The following RNF17 variants were observed in gnomAD, a reference collection of about 807,000 sequenced individuals.
RNF17 encodes ring finger protein 17.
A neutral mutation model predicts 200.5 loss-of-function variants in RNF17; 31 were observed. The observed-to-expected ratio is 0.15, with a 90% CI of 0.12 to 0.21. RNF17 has a LOEUF of 0.21. Among genes scored for constraint, RNF17 ranks in the 10% least tolerant of loss-of-function variants. RNF17 has a pLI of 1.00. For synonymous variants in RNF17, 606 were observed against 637.8 expected (o/e 0.95, Z 0.75); for missense variants, 1,628 against 1,905.1 (o/e 0.85, Z 2.71).
At chr13:24,873,361 CTG>C (rs1205393778) in intron 32 of RNF17, among the ~76,000 whole-genome samples, 1 of 152,216 alleles carries the variant, frequency 6.6e-6, no homozygotes, top group African/African-American at 2.4e-5. Flanking sequence ...ATAAGACCAA[CTG>C]TTCAATATTT....
intron 13 of RNF17, 99 bp from the exon 14 acceptor site, chr13:24,802,282 C>T (rs1026014): frequency 0.41 from 429,454 of 1,049,014 alleles, 89,660 homozygotes; most frequent in East Asian, 0.54. Flanking sequence ...TCAGTTTGTT[C>T]GCAGTTGCGT....
intron 35 of RNF17, 143 bp from the exon 36 acceptor site, chr13:24,879,594 G>C (rs1895230444): frequency 9.0e-6 from 2 of 222,546 alleles, no homozygotes; most frequent in Non-Finnish European, 8.8e-6. Flanking sequence ...TAAGCACATA[G>C]AACTACTGAG....
chr13:24,802,263 G>A, intron 13 of RNF17, 118 bp from the exon 14 acceptor site: 1 of 834,028 alleles, frequency 1.2e-6, no homozygotes, highest in Non-Finnish European at 1.8e-6. Context: ...CCTAATGTCT[G>A]CGGTTGGTTC....
chr13:24,782,242 A>C (rs1228728345), intron 6 of RNF17, among the ~76,000 whole-genome samples: 1 of 152,006 alleles, frequency 6.6e-6, no homozygotes, highest in Non-Finnish European at 1.5e-5. Context: ...ATGGTGTGAT[A>C]ATAGCTCACT....
At position 24,764,436 on chromosome 13, in the gene RNF17, C is replaced by T. The variant is rs537805785; in HGVS notation, c.130+103C>T. ...TGAGGCTTGGTCAGCTGCATCCAAT[C>T]CTGGTGTCACCAGAAACTGCGTCAC... On this transcript the variant is annotated intron_variant, in intron 1 of 35. Coordinates refer to ENST00000255324, the MANE Select transcript of RNF17 (RefSeq NM_031277.3). 8 of 1,412,990 alleles carry T rather than the reference C, an allele frequency of 5.7e-6. No homozygotes were observed. In the African/African-American group the frequency reaches 5.7e-5, roughly 10 times the overall value. The allele number at this position is 1,412,990 out of a possible 1,614,324, so 87.5% of individuals were successfully genotyped here.
intron 15 of RNF17, among the ~76,000 whole-genome samples, chr13:24,818,486 C>T (rs1887664074): frequency 6.6e-6 from 1 of 152,052 alleles, no homozygotes; most frequent in Non-Finnish European, 1.5e-5. Flanking sequence ...AATATTAAAG[C>T]CTTCTATTTT....
At chr13:24,873,705 AAC>A (rs1262683255) in intron 32 of RNF17, among the ~76,000 whole-genome samples, 1 of 151,680 alleles carries the variant, frequency 6.6e-6, no homozygotes, top group Non-Finnish European at 1.5e-5. Flanking sequence ...CCCCACCCCA[AAC>A]ACATGTATAT....
In RNF17 at chr13:24,870,591, T is replaced by C. The variant is rs1358332776; in HGVS notation, c.4299T>C (p.Ser1433=). 6.2e-7 allele frequency: 1 copy of C among 1,613,328 alleles called. No individual in the cohort carries two copies. The highest frequency in any genetic ancestry group is 8.5e-7 in the Non-Finnish European group (1 of 1,179,706). The change falls in exon 32 of 36, where the codon TCT becomes TCC. Residue 1433 remains serine (S), a synonymous_variant. Transcript: ENST00000255324. ...SPNEVYICLD[S]IETSNQSNQH... ...CTTAGGTGTATATTTGCCTTGATTCTATAGAAACTTCTAACCAGTCTAACC... is the reference window on the plus strand; with the variant it reads ...CTTAGGTGTATATTTGCCTTGATTCCATAGAAACTTCTAACCAGTCTAACC...
chr13:24,779,635 T>C, intron 4 of RNF17, 32 bp from the exon 5 acceptor site: 5 of 1,541,834 alleles, frequency 3.2e-6, no homozygotes, highest in Non-Finnish European at 4.5e-6. Flanking sequence ...TTTTTAGTTT[T>C]ATATTTGTAT....
chr13:24,756,010 T>G, the RNF17 span, among the ~76,000 whole-genome samples: 1 of 152,202 alleles, frequency 6.6e-6, no homozygotes, highest in East Asian at 1.9e-4. Context: ...ACAATTTACA[T>G]TATTTTAATG....
intron 6 of RNF17, among the ~76,000 whole-genome samples, chr13:24,786,395 G>A (rs1883113995): frequency 6.6e-6 from 1 of 151,962 alleles, no homozygotes; most frequent in South Asian, 2.1e-4. Flanking sequence ...TTACGTATTT[G>A]TCCTTTAAAT....
rs777694477 is a variant in RNF17 at position 24,864,865 on chromosome 13, TTAAA to T, written c.3976-5_3976-2del. ...TTTTTATGATTATCTTTATTGAACT[TTAAA>T]TAGGAGTTACCTAAAAATCCATGGG... is the stretch of plus-strand genomic sequence containing the variant. On this transcript the variant is annotated splice_region_variant and splice_polypyrimidine_tract_variant and intron_variant, in intron 28 of 35. Coordinates refer to ENST00000255324, the MANE Select transcript of RNF17 (RefSeq NM_031277.3). 1.3e-6 allele frequency: 2 copies of T among 1,521,802 alleles called. No homozygotes were observed. The highest frequency in any genetic ancestry group is 1.4e-5 in the African/African-American group (1 of 71,638). 94.3% of individuals were successfully genotyped at this position (1,521,802 alleles called of 1,614,324 possible). A position where few individuals can be genotyped will look rare whatever the true frequency, so the allele number is the denominator to read the frequency against.
intron 10 of RNF17, among the ~76,000 whole-genome samples, chr13:24,794,466 G>A (rs1357567): frequency 0.2 from 29,785 of 152,046 alleles, 3,173 homozygotes; most frequent in South Asian, 0.32. Flanking sequence ...TTGAGCTCAG[G>A]AGTTCGAAAC....
In RNF17 at chr13:24,859,054, G is replaced by A. The variant is rs1026575889; in HGVS notation, c.3664G>A (p.Gly1222Ser). The change falls in exon 26 of 36, where the codon GGT becomes AGT. Residue 1222 changes from glycine to serine, a missense_variant. Around this residue, in one of 5 missense-constraint regions of RNF17, gnomAD observed 609 missense variants for 681.9 expected, o/e 0.89. Coordinates refer to ENST00000255324, the MANE Select transcript of RNF17 (RefSeq NM_031277.3). ...NEIQSNLKCL[G>S]LLEPYFWKKG... ...AATTCAAAGTAATTTAAAATGCCTT[G>A]GTCTTTTGGAGCCTTATTTCTGGAA... 2 of 1,604,764 alleles carry A rather than the reference G, an allele frequency of 1.2e-6. No homozygotes were observed. Among genetic ancestry groups the A allele is most frequent in the African/African-American group, 1.3e-5 (1 of 74,736 alleles).
intron 5 of RNF17, among the ~76,000 whole-genome samples, chr13:24,781,205 T>TA (rs1439589707): frequency 6.6e-6 from 1 of 152,072 alleles, no homozygotes; most frequent in East Asian, 1.9e-4. Context: ...GTTTTTTTTT[T>TA]AATCCACGGG....
At chr13:24,764,394 G>C (rs1879240819) in intron 1 of RNF17, 61 bp downstream of exon 1, 1 of 1,503,558 alleles carries the variant, frequency 6.7e-7, no homozygotes, top group African/African-American at 1.4e-5. Context: ...TGGGGGCCAG[G>C]TGAGCTGGTG....
chr13:24,801,528 T>C (rs531929797), intron 13 of RNF17, among the ~76,000 whole-genome samples: 1 of 152,046 alleles, frequency 6.6e-6, no homozygotes, highest in Non-Finnish European at 1.5e-5. Flanking sequence ...AAGGCTGAGG[T>C]GGAAGGATCT....
chr13:24,823,876 A>G (rs902027092), intron 15 of RNF17, among the ~76,000 whole-genome samples: 1 of 152,218 alleles, frequency 6.6e-6, no homozygotes, highest in Non-Finnish European at 1.5e-5. Flanking sequence ...CACGTTTACA[A>G]GTGGTCCCTG....
At chr13:24,786,591 G>A (rs1312142167) in intron 6 of RNF17, among the ~76,000 whole-genome samples, 2 of 152,100 alleles carry the variant, frequency 1.3e-5, no homozygotes, top group African/African-American at 2.4e-5. Context: ...AAGTCTACTG[G>A]TAATGAACTC....
Sources: allele counts gnomAD v4.1 joint callset (sites outside exome capture counted in the v4.1 genomes callset), GRCh38; gene constraint gnomAD v4.1.1; regional missense constraint gnomAD v4.1.1; transcripts MANE v1.5; gene names NCBI Gene and HGNC (gene_info 2026-07-23, HGNC 2026-07-21).